Variants in DDR1 observed in about 807,000 individuals in gnomAD.
DDR1 encodes discoidin domain receptor tyrosine kinase 1, also known as epithelial discoidin domain-containing receptor 1.
Under a neutral mutation model 97.4 loss-of-function variants are expected in DDR1, and 64 were observed. That is an observed-to-expected ratio of 0.66 (90% CI 0.54 to 0.81). The LOEUF (loss-of-function observed/expected upper bound fraction) is 0.81, where lower values mean the gene tolerates loss of function less well. Ranked by LOEUF, DDR1 falls within the 30% of genes least tolerant of loss-of-function variation. The probability of loss-of-function intolerance (pLI) is 0.00; values close to 1 mark genes in which losing one functional copy is unlikely to be tolerated. For synonymous variants in DDR1, 458 were observed against 503.7 expected, an observed-to-expected ratio of 0.91 and a Z score of 1.21; for missense variants, 990 against 1,259.6, an observed-to-expected ratio of 0.79 and a Z score of 3.24.
At chr6:30,885,216 G>C in intron 1 of DDR1, 1 of 1,533,838 alleles carries the variant, frequency 6.5e-7, no homozygotes, top group Non-Finnish European at 8.7e-7. Context: ...TCTGGCATGA[G>C]AGAATGTCAC....
chr6:30,899,492 A>G lies in DDR1; in HGVS notation c.*196A>G. ...TTCTCCCCTTCCTGGACACACTCTCATGTCCCCTTCCTGTTCTTCCTTCCT... is the reference window on the plus strand; with the variant it reads ...TTCTCCCCTTCCTGGACACACTCTCGTGTCCCCTTCCTGTTCTTCCTTCCT... On this transcript the variant is annotated 3_prime_UTR_variant, in exon 18 of 18. Coordinates refer to ENST00000376568, the MANE Select transcript of DDR1 (RefSeq NM_001297654.2). 1 of 641,268 alleles carries G rather than the reference A, an allele frequency of 1.6e-6. No homozygotes were observed. Among genetic ancestry groups the G allele is most frequent in the Non-Finnish European group, 2.6e-6 (1 of 384,828 alleles). The allele number at this position is 641,268 out of a possible 1,614,324, so 39.7% of individuals were successfully genotyped here.
chr6:30,887,786 G>T (rs1448524822), intron 1 of DDR1, among the ~76,000 whole-genome samples: 6 of 151,842 alleles, frequency 4.0e-5, no homozygotes. Flanking sequence ...TTTTTAAAGA[G>T]ATGGGGTCTC....
rs371222601 is a variant in DDR1 at position 30,894,478 on chromosome 6, G to A, written c.1348-28G>A. The A allele has an allele frequency of 1.1e-5, 17 of 1,584,756 alleles. No individual in the cohort carries two copies. The highest frequency in any genetic ancestry group is 5.4e-5 in the African/African-American group (4 of 74,216). ...CCAGGCCGTGTGTGCTGAGCAACAC[G>A]GGTGATGCCTCCCATCCCTATGACA... On this transcript the variant is annotated intron_variant, in intron 10 of 17. Coordinates refer to ENST00000376568, the MANE Select transcript of DDR1 (RefSeq NM_001297654.2). The surrounding 1 kb of genome is among the most constrained non-coding windows in gnomAD (Gnocchi z 5.7).
chr6:30,888,808 G>A lies in DDR1; in HGVS notation c.79G>A (p.Asp27Asn). 1 of 1,613,050 alleles carries A rather than the reference G, an allele frequency of 6.2e-7. No homozygotes were observed. The highest frequency in any genetic ancestry group is 8.5e-7 in the Non-Finnish European group (1 of 1,180,028). Residue 27 changes from aspartate to asparagine, a missense_variant, in exon 2 of 18, where the codon GAT (aspartate) becomes AAT (asparagine). Physicochemically the swap from Asp to Asn is conservative, Grantham distance 23 (BLOSUM62 1). Coordinates refer to ENST00000376568, the MANE Select transcript of DDR1 (RefSeq NM_001297654.2). The surrounding 1 kb of genome is among the most constrained non-coding windows in gnomAD (Gnocchi z 4.2). ...SGDADMKGHF[D>N]PAKCRYALGM... ...AGATGCTGACATGAAGGGACATTTT[G>A]ATCCTGGTGAGGAGACTGAATCATG...
Position 30,897,728 on chromosome 6 carries a change from G to C in DDR1, c.2216+131G>C. 1 of 742,692 alleles carries C rather than the reference G, an allele frequency of 1.3e-6. No homozygotes were observed. The highest frequency in any genetic ancestry group is 2.2e-6 in the Non-Finnish European group (1 of 461,368). The allele number at this position is 742,692 out of a possible 1,614,324, so 46.0% of individuals were successfully genotyped here. ...GGGAGAGAGGTTCCAGGAGGGCCTG[G>C]GATAAGGAATGTGTGACAAGTTAAC... On this transcript the variant is annotated intron_variant, in intron 15 of 17. Coordinates refer to ENST00000376568, the MANE Select transcript of DDR1 (RefSeq NM_001297654.2). This position sits in a 1 kb window ranked among gnomAD's most constrained non-coding sequence, Gnocchi z 5.2.
rs1235032956 is a variant in DDR1 at position 30,893,149 on chromosome 6, A to G, written c.1181A>G (p.Asn394Ser). ...TGGCCGCCTGGCCCACCTCCCACCA[A>G]CTTCAGCAGCTTGGGTGAGCAATCT... ...PWWPPGPPPT[N>S]FSSLELEPRG... Residue 394 changes from asparagine (N) to serine (S), a missense_variant, in exon 9 of 18, where the codon AAC (asparagine) becomes AGC (serine). Physicochemically the swap from Asn to Ser is conservative, Grantham distance 46. Transcript: ENST00000376568. 6.2e-7 allele frequency: 1 copy of G among 1,608,986 alleles called. No homozygotes were observed. Among genetic ancestry groups the G allele is most frequent in the Admixed American group, 1.7e-5 (1 of 59,910 alleles).
chr6:30,888,068 CT>C lies in DDR1; in HGVS notation c.-42-616del, dbSNP rs1207333540. Among the ~76,000 whole-genome samples, 4 of 152,182 alleles carry C rather than the reference CT, an allele frequency of 2.6e-5. No homozygotes were observed. The highest frequency in any genetic ancestry group is 6.5e-5 in the Admixed American group (1 of 15,280). On this transcript the variant is annotated intron_variant, in intron 1 of 17. Coordinates refer to ENST00000376568, the MANE Select transcript of DDR1 (RefSeq NM_001297654.2). The surrounding 1 kb of genome is among the most constrained non-coding windows in gnomAD (Gnocchi z 4.2). ...CCTCCCTTTTCATCACTTTCTACCA[CT>C]TTTATATGTTACAGCCTTAAAAAAA...
Position 30,891,465 on chromosome 6 carries a change from A to G in DDR1, c.651A>G (p.Gly217=), listed in dbSNP as rs1223101975. The change falls in exon 6 of 18, where the codon GGA becomes GGG. Residue 217 remains glycine (G), a synonymous_variant. Transcript: ENST00000376568. This position sits in a 1 kb window ranked among gnomAD's most constrained non-coding sequence, Gnocchi z 5.3. ...AVYLNDSTYD[G]HTVGGLQYGG... Reference sequence around the variant, plus strand: ...ACCTCAACGACTCCACCTATGACGGACATACCGTGGGCGGGTAAGAAAGGC... The same window carrying G: ...ACCTCAACGACTCCACCTATGACGGGCATACCGTGGGCGGGTAAGAAAGGC... 6.2e-7 allele frequency: 1 copy of G among 1,612,656 alleles called. No homozygotes were observed. Among genetic ancestry groups the G allele is most frequent in the African/African-American group, 1.3e-5 (1 of 74,840 alleles).
Position 30,893,310 on chromosome 6 carries a change from G to T in DDR1, c.1234G>T (p.Glu412Ter). 1.2e-6 allele frequency: 2 copies of T among 1,606,354 alleles called. No homozygotes were observed. Among genetic ancestry groups the T allele is most frequent in the Non-Finnish European group, 1.7e-6 (2 of 1,179,682 alleles). ...PRGQQPVAKA[E>*]GSPTAILIGC... ...AGGCCAGCAGCCCGTGGCCAAGGCC[G>T]AGGGGAGCCCGACCGCCATCCTCAT... The change falls in exon 10 of 18, where the codon GAG becomes TAG. Residue 412 changes from glutamate to a stop codon, truncating the protein, a stop_gained. Coordinates refer to ENST00000376568, the MANE Select transcript of DDR1 (RefSeq NM_001297654.2). LOFTEE classifies it high-confidence loss of function.
chr6:30,899,530 C>G lies in DDR1; in HGVS notation c.*234C>G. ...GTTCTTCCTTCCTAGAAGCCCCTGTCGCCCACCCAGCTGGTCCTGTGGATG... is the reference window on the plus strand; with the variant it reads ...GTTCTTCCTTCCTAGAAGCCCCTGTGGCCCACCCAGCTGGTCCTGTGGATG... On this transcript the variant is annotated 3_prime_UTR_variant, in exon 18 of 18. Transcript: ENST00000376568. 1.7e-6 allele frequency: 1 copy of G among 577,830 alleles called. No individual in the cohort carries two copies. The highest frequency in any genetic ancestry group is 3.0e-6 in the Non-Finnish European group (1 of 332,674). The allele number at this position is 577,830 out of a possible 1,614,324, so 35.8% of individuals were successfully genotyped here. A position where few individuals can be genotyped will look rare whatever the true frequency, so the allele number is the denominator to read the frequency against.
chr6:30,882,237 C>T (rs1038882631), upstream of DDR1, among the ~76,000 whole-genome samples: 2 of 152,360 alleles, frequency 1.3e-5, no homozygotes, highest in African/African-American at 4.8e-5. The surrounding 1 kb of genome is among the most constrained non-coding windows in gnomAD (Gnocchi z 4.8). Flanking sequence ...CCCTCTCCTA[C>T]GTGCCTCTCC....
chr6:30,899,719 ACCCCACTGG>A lies in DDR1; in HGVS notation c.*425_*433del, dbSNP rs1422974465. 6 of 353,648 alleles carry A rather than the reference ACCCCACTGG, an allele frequency of 1.7e-5. No homozygotes were observed. Among genetic ancestry groups the A allele is most frequent in the Admixed American group, 4.4e-5 (1 of 22,512 alleles). The allele number at this position is 353,648 out of a possible 1,614,324, so 21.9% of individuals were successfully genotyped here. ...CTTCTCTCTCCCTGTCACACACTGG[ACCCCACTGG>A]CTGAGAATCTGGGGGTGAGGAGGAC... is the stretch of plus-strand genomic sequence containing the variant. On this transcript the variant is annotated 3_prime_UTR_variant, in exon 18 of 18. Transcript: ENST00000376568.
upstream of DDR1, among the ~76,000 whole-genome samples, chr6:30,881,546 T>G (rs1581978271): frequency 6.6e-6 from 1 of 152,314 alleles, no homozygotes; most frequent in South Asian, 2.1e-4. Flanking sequence ...CCCTTGTCCT[T>G]GCTTCTTGTC....
Position 30,897,366 on chromosome 6 carries a change from C to A in DDR1, c.1998-13C>A. 6.2e-7 allele frequency: 1 copy of A among 1,613,870 alleles called. No individual in the cohort carries two copies. The highest frequency in any genetic ancestry group is 8.5e-7 in the Non-Finnish European group (1 of 1,179,954). ...CACTCGGCATTCCTCTTCAGCTTCT[C>A]CTTGTTCTCCAGGAATGATTTCCTG... On this transcript the variant is annotated splice_polypyrimidine_tract_variant and intron_variant, in intron 14 of 17. Transcript: ENST00000376568. This position sits in a 1 kb window ranked among gnomAD's most constrained non-coding sequence, Gnocchi z 5.2.
chr6:30,885,237 C>T, intron 1 of DDR1: 1 of 1,532,946 alleles, frequency 6.5e-7, no homozygotes, highest in Non-Finnish European at 8.7e-7. Flanking sequence ...TGCCGGTGAG[C>T]GCCAGCTTCA....
At position 30,897,684 on chromosome 6, in the gene DDR1, G is replaced by A; in HGVS notation, c.2216+87G>A. The A allele has an allele frequency of 9.1e-7, 1 of 1,101,170 alleles. No homozygotes were observed. The highest frequency in any genetic ancestry group is 1.3e-6 in the Non-Finnish European group (1 of 769,858). The allele number at this position is 1,101,170 out of a possible 1,614,324, so 68.2% of individuals were successfully genotyped here. Reference sequence around the variant, plus strand: ...CTCGCTTCAGCCTGGAGGAAAAGAGGGGAGCGTGGGGGTGGGAAGGGAGAG... The same window carrying A: ...CTCGCTTCAGCCTGGAGGAAAAGAGAGGAGCGTGGGGGTGGGAAGGGAGAG... On this transcript the variant is annotated intron_variant, in intron 15 of 17. Coordinates refer to ENST00000376568, the MANE Select transcript of DDR1 (RefSeq NM_001297654.2). This position sits in a 1 kb window ranked among gnomAD's most constrained non-coding sequence, Gnocchi z 5.2.
rs992139798 is a variant in DDR1 at position 30,889,508 on chromosome 6, C to T, written c.417+78C>T. ...CTGTACTTTAAACACCACCTATACG[C>T]TGACGACTCTCCAGTTTATATCATC... On this transcript the variant is annotated intron_variant, in intron 4 of 17. Transcript: ENST00000376568. The surrounding 1 kb of genome is among the most constrained non-coding windows in gnomAD (Gnocchi z 4.9). 4 of 1,044,962 alleles carry T rather than the reference C, an allele frequency of 3.8e-6. No homozygotes were observed. In the African/African-American group the frequency reaches 6.4e-5, roughly 17 times the overall value. 64.7% of individuals were successfully genotyped at this position (1,044,962 alleles called of 1,614,324 possible).
Position 30,899,029 on chromosome 6 carries a change from G to C in DDR1, c.2593G>C (p.Gly865Arg). 1 of 1,614,040 alleles carries C rather than the reference G, an allele frequency of 6.2e-7. No homozygotes were observed. The highest frequency in any genetic ancestry group is 8.5e-7 in the Non-Finnish European group (1 of 1,179,988). Residue 865 changes from glycine (G) to arginine (R), a missense_variant, in exon 17 of 18, where the codon GGC becomes CGC. Physicochemically the swap from Gly to Arg is moderately radical, Grantham distance 125. Coordinates refer to ENST00000376568, the MANE Select transcript of DDR1 (RefSeq NM_001297654.2). ...ENAGEFFRDQ[G>R]RQVYLSRPPA... ...CGCGGGGGAGTTCTTCCGGGACCAG[G>C]GCCGGCAGGTCAGAGTGGAGGAGAG...
rs549249224 is a variant in DDR1, at chr6:30,891,083, C to G, written c.528C>G (p.Val176=). Reference sequence around the variant, plus strand: ...CCCGGGCTGACCGGGTCATGAGCGTCTGTCTGCGGGTAGAGCTCTATGGCT... The same window carrying G: ...CCCGGGCTGACCGGGTCATGAGCGTGTGTCTGCGGGTAGAGCTCTATGGCT... ...FYPRADRVMS[V]CLRVELYGCL... is the part of the protein sequence containing the mutation. Residue 176 remains valine, a synonymous_variant, in exon 5 of 18, where the codon GTC becomes GTG. Coordinates refer to ENST00000376568, the MANE Select transcript of DDR1 (RefSeq NM_001297654.2). The surrounding 1 kb of genome is among the most constrained non-coding windows in gnomAD (Gnocchi z 5.3). The G allele has an allele frequency of 6.2e-7, 1 of 1,613,058 alleles. No individual in the cohort carries two copies. The highest frequency in any genetic ancestry group is 8.5e-7 in the Non-Finnish European group (1 of 1,180,028).
Sources: allele counts gnomAD v4.1 joint callset (sites outside exome capture counted in the v4.1 genomes callset), GRCh38; gene constraint gnomAD v4.1.1; non-coding constraint Gnocchi (gnomAD v3.1); transcripts MANE v1.5; gene names NCBI Gene and HGNC (gene_info 2026-07-23, HGNC 2026-07-21).